Variants in LAMA2 observed in about 807,000 individuals in gnomAD.
LAMA2 encodes laminin subunit alpha-2.
A neutral mutation model predicts 364.8 loss-of-function variants in LAMA2; 269 were observed. The ratio of observed to expected loss-of-function variants is 0.74; its 90% CI spans 0.67 to 0.82. The LOEUF (loss-of-function observed/expected upper bound fraction) is 0.82. LAMA2 is among the 40% of genes least tolerant of loss of function. The pLI is 0.00. For missense variants in LAMA2, 3,807 were observed against 3,873.2 expected (o/e 0.98, Z 0.45); for synonymous variants, 1,379 against 1,370.6 (o/e 1.01, Z -0.14).
At chr6:129,464,481 C>T (rs1200950929) in intron 50 of LAMA2, 29 bp downstream of exon 50, 8 of 1,578,744 alleles carry the variant, frequency 5.1e-6, no homozygotes, top group South Asian at 1.1e-5. Flanking sequence ...GCAGAGTTTC[C>T]GTGACTAAAA....
At chr6:128,968,696 C>A (rs772691368) in intron 1 of LAMA2, among the ~76,000 whole-genome samples, 2 of 151,992 alleles carry the variant, frequency 1.3e-5, no homozygotes, top group African/African-American at 4.8e-5. Flanking sequence ...GTTTGAGGAA[C>A]AGAAACAAGG....
intron 29 of LAMA2, among the ~76,000 whole-genome samples, chr6:129,330,606 T>TG (rs914328847): frequency 6.7e-6 from 1 of 148,972 alleles, no homozygotes; most frequent in Non-Finnish European, 1.5e-5. Context: ...TTGTTTTTTT[T>TG]TTTTTTTTTC....
intron 1 of LAMA2, among the ~76,000 whole-genome samples, chr6:128,925,390 T>C (rs977790636): frequency 6.6e-6 from 1 of 152,204 alleles, no homozygotes; most frequent in African/African-American, 2.4e-5. Flanking sequence ...GACATTCTGC[T>C]AAGTGAAATA....
intron 12 of LAMA2, among the ~76,000 whole-genome samples, chr6:129,235,257 A>G (rs920353737): frequency 6.6e-6 from 1 of 152,158 alleles, no homozygotes; most frequent in Non-Finnish European, 1.5e-5. Context: ...ACCAATTACT[A>G]TGCTACTAGA....
chr6:129,249,233 C>T (rs1321694707), intron 12 of LAMA2, among the ~76,000 whole-genome samples: 4 of 152,104 alleles, frequency 2.6e-5, no homozygotes, highest in Non-Finnish European at 4.4e-5. Flanking sequence ...ACAGAGCAAG[C>T]AGCAGAATAC....
chr6:129,172,920 G>A (rs1359936664), intron 9 of LAMA2, among the ~76,000 whole-genome samples: 1 of 152,198 alleles, frequency 6.6e-6, no homozygotes, highest in African/African-American at 2.4e-5. Flanking sequence ...ATTCCGGTGG[G>A]AGTGACCCGA....
intron 2 of LAMA2, among the ~76,000 whole-genome samples, chr6:129,050,920 G>C (rs945024350): frequency 6.6e-6 from 1 of 152,088 alleles, no homozygotes; most frequent in Non-Finnish European, 1.5e-5. Flanking sequence ...TTATTCAACA[G>C]GCCTTTGAAC....
chr6:128,936,494 G>T (rs1447649871), intron 1 of LAMA2, among the ~76,000 whole-genome samples: 1 of 152,066 alleles, frequency 6.6e-6, no homozygotes, highest in East Asian at 1.9e-4. Context: ...ATGCATGGGG[G>T]ATACATTCCA....
intron 12 of LAMA2, among the ~76,000 whole-genome samples, chr6:129,238,231 T>G (rs1397692119): frequency 1.3e-5 from 2 of 151,972 alleles, no homozygotes; most frequent in African/African-American, 2.4e-5. Context: ...ATTTAAAATC[T>G]AATTCAAAAA....
At chr6:129,189,251 C>T (rs1028544707) in intron 10 of LAMA2, among the ~76,000 whole-genome samples, 1 of 151,856 alleles carries the variant, frequency 6.6e-6, no homozygotes, top group Non-Finnish European at 1.5e-5. Flanking sequence ...TTTAAAAAGC[C>T]TCAGTATTGA....
At chr6:129,270,416 A>G (rs772542048) in intron 16 of LAMA2, among the ~76,000 whole-genome samples, 36 of 152,142 alleles carry the variant, frequency 2.4e-4, no homozygotes, top group Non-Finnish European at 4.1e-4. Flanking sequence ...TTTTGTAAGT[A>G]TGCATATGCT....
intron 4 of LAMA2, among the ~76,000 whole-genome samples, chr6:129,128,109 T>G (rs1367197656): frequency 6.6e-6 from 1 of 152,216 alleles, no homozygotes; most frequent in Non-Finnish European, 1.5e-5. Flanking sequence ...CTGTGTTTTC[T>G]TCTAGCAATT....
At chr6:129,145,298 T>C (rs1213707216) in intron 5 of LAMA2, among the ~76,000 whole-genome samples, 1 of 152,028 alleles carries the variant, frequency 6.6e-6, no homozygotes, top group Admixed American at 6.6e-5. Context: ...AAGATAACTT[T>C]TAAGGCTTTA....
intron 44 of LAMA2, among the ~76,000 whole-genome samples, chr6:129,444,476 C>T (rs1340449327): frequency 6.6e-6 from 1 of 152,098 alleles, no homozygotes; most frequent in Non-Finnish European, 1.5e-5. Flanking sequence ...GATGATATAA[C>T]AAACATTTCT....
Position 129,081,299 on chromosome 6 carries a change from G to A in LAMA2, c.397-16874G>A, listed in dbSNP as rs189993161. Among the ~76,000 whole-genome samples, 375 of 152,054 alleles carry A rather than the reference G, an allele frequency of 2.5e-3. 3 individuals carry two copies. The highest frequency in any genetic ancestry group is 8.6e-3 in the African/African-American group (355 of 41,456). ...AGGAGATACACCTAATGTAAATGAC[G>A]AGTTAATGGATGCAGCACACCAACA... On this transcript the variant is annotated intron_variant, in intron 3 of 64. Transcript: ENST00000421865.
intron 18 of LAMA2, among the ~76,000 whole-genome samples, chr6:129,286,482 GT>G (rs1310155008): frequency 1.4e-5 from 2 of 141,590 alleles, no homozygotes; most frequent in Non-Finnish European, 3.0e-5. Flanking sequence ...TGCTGCTATC[GT>G]TTTTAAAAAT....
chr6:128,993,111 C>T (rs1376852572), intron 1 of LAMA2, among the ~76,000 whole-genome samples: 1 of 152,138 alleles, frequency 6.6e-6, no homozygotes, highest in African/African-American at 2.4e-5. Context: ...TCACTTAACC[C>T]CAGCAACGCC....
At chr6:128,893,056 A>T (rs1016462903) in intron 1 of LAMA2, among the ~76,000 whole-genome samples, 1 of 151,918 alleles carries the variant, frequency 6.6e-6, no homozygotes, top group Admixed American at 6.6e-5. Flanking sequence ...TTTCATTCTG[A>T]TACATTAGAA....
chr6:129,186,490 T>A (rs1781237413), intron 10 of LAMA2, among the ~76,000 whole-genome samples: 1 of 150,886 alleles, frequency 6.6e-6, no homozygotes, highest in Non-Finnish European at 1.5e-5. Flanking sequence ...ACTGTGTGTA[T>A]TTATTTATTT....
Sources: gnomAD v4.1 joint callset for allele counts (sites outside exome capture counted in the v4.1 genomes callset) on GRCh38, gnomAD v4.1.1 for gene constraint, MANE v1.5 for transcripts, NCBI Gene and HGNC (gene_info 2026-07-23, HGNC 2026-07-21) for gene names.